USP34: variants seen among roughly 807,000 people sequenced by gnomAD.
The protein encoded by USP34 is ubiquitin specific peptidase 34.
In USP34, 70 loss-of-function variants were observed where a neutral mutation model predicts 460.3. The ratio of observed to expected loss-of-function variants is 0.15; its 90% CI spans 0.13 to 0.19. The LOEUF (loss-of-function observed/expected upper bound fraction) is 0.19, where lower values mean the gene tolerates loss of function less well. Among genes scored for constraint, USP34 ranks in the 10% least tolerant of loss-of-function variants. USP34 has a pLI of 1.00. For missense variants in USP34, 3,985 were observed against 4,236.2 expected (o/e 0.94, Z 1.65); for synonymous variants, 1,647 against 1,405.3 (o/e 1.17, Z -3.85).
At chr2:61,244,162 AC>A (rs1558487421) in intron 51 of USP34, among the ~76,000 whole-genome samples, 1 of 152,216 alleles carries the variant, frequency 6.6e-6, no homozygotes, top group African/African-American at 2.4e-5. Flanking sequence ...AGTCAAAAAA[AC>A]AACTTTATTT....
chr2:61,356,709 G>C (rs1692118754), intron 10 of USP34, among the ~76,000 whole-genome samples: 1 of 152,150 alleles, frequency 6.6e-6, no homozygotes, highest in Non-Finnish European at 1.5e-5. Context: ...ACCCAAAGTT[G>C]ATGAGAGGGG....
chr2:61,392,445 G>A (rs1015214402), intron 5 of USP34, among the ~76,000 whole-genome samples: 24 of 152,104 alleles, frequency 1.6e-4, no homozygotes, highest in Non-Finnish European at 2.6e-4. Flanking sequence ...ACAACATGGC[G>A]AAACCCCGGG....
chr2:61,451,912 A>C (rs976058221), intron 1 of USP34, among the ~76,000 whole-genome samples: 6 of 152,286 alleles, frequency 3.9e-5, no homozygotes, highest in African/African-American at 1.4e-4. Context: ...GCAGTGGCTC[A>C]CGCCTGGAAT....
intron 53 of USP34, among the ~76,000 whole-genome samples, chr2:61,241,200 C>T (rs1217571306): frequency 6.6e-6 from 1 of 152,038 alleles, no homozygotes; most frequent in Non-Finnish European, 1.5e-5. Context: ...CCCACCACCA[C>T]GCTCGGCTAC....
In USP34 at chr2:61,456,238, G is replaced by A. The variant is rs557357815; in HGVS notation, c.43+14412C>T. ...ATTTCACCTCTTTCATGGTAACAAC[G>A]TGCCAGATTTCTTTTCCAGAAGCAC... is the stretch of plus-strand genomic sequence containing the variant. On this transcript the variant is annotated intron_variant, in intron 1 of 79. Coordinates refer to ENST00000398571, the MANE Select transcript of USP34 (RefSeq NM_014709.4). Among the ~76,000 whole-genome samples the A allele has an allele frequency of 5.0e-4, 76 of 152,280 alleles. 1 individual carries two copies. The South Asian group carries it at 9.1e-3, about 18-fold the overall frequency.
chr2:61,308,044 G>A (rs1002904845), intron 27 of USP34, among the ~76,000 whole-genome samples: 1 of 151,738 alleles, frequency 6.6e-6, no homozygotes, highest in Non-Finnish European at 1.5e-5. Context: ...GTGAGACCCT[G>A]TCTCAAAAAA....
At chr2:61,272,779 A>G (rs1361935965) in intron 41 of USP34, among the ~76,000 whole-genome samples, 1 of 152,200 alleles carries the variant, frequency 6.6e-6, no homozygotes, top group Non-Finnish European at 1.5e-5. Context: ...AAGAATGCTA[A>G]GAACAACTAA....
intron 57 of USP34, among the ~76,000 whole-genome samples, chr2:61,235,267 C>G (rs1411878416): frequency 6.6e-6 from 1 of 150,802 alleles, no homozygotes; most frequent in Non-Finnish European, 1.5e-5. Context: ...TTGGAAGACT[C>G]TTGAATTTTC....
chr2:61,455,389 G>A (rs987473815), intron 1 of USP34, among the ~76,000 whole-genome samples: 3 of 151,866 alleles, frequency 2.0e-5, no homozygotes, highest in African/African-American at 7.3e-5. Context: ...TGTTGCCCAG[G>A]CTGGTCTCGA....
intron 41 of USP34, among the ~76,000 whole-genome samples, chr2:61,270,187 T>C (rs1689171254): frequency 6.6e-6 from 1 of 152,204 alleles, no homozygotes; most frequent in South Asian, 2.1e-4. Flanking sequence ...TGGAAGGTTA[T>C]TAAGTCATGA....
At chr2:61,298,537 C>CAAAAAAAAAAAAAAAAAAAAAA (rs57087400) in intron 29 of USP34, among the ~76,000 whole-genome samples, 2 of 28,288 alleles carry the variant, frequency 7.1e-5, no homozygotes, top group Non-Finnish European at 1.1e-4. Flanking sequence ...GACTCTGTCT[C>CAAAAAAAAAAAAAAAAAAAAAA]AAAAAAAAAA....
intron 3 of USP34, among the ~76,000 whole-genome samples, chr2:61,400,331 G>C (rs1028621645): frequency 3.9e-5 from 6 of 152,036 alleles, no homozygotes; most frequent in African/African-American, 1.4e-4. Context: ...AGATGGTCTT[G>C]ATCTCCTGAC....
chr2:61,460,214 A>C (rs1222695507), intron 1 of USP34, among the ~76,000 whole-genome samples: 4 of 152,254 alleles, frequency 2.6e-5, no homozygotes, highest in Non-Finnish European at 5.9e-5. Context: ...TGGTCCAAAA[A>C]TATTAAATGG....
intron 58 of USP34, among the ~76,000 whole-genome samples, chr2:61,229,875 G>A (rs1300331993): frequency 2.0e-5 from 3 of 152,048 alleles, no homozygotes; most frequent in African/African-American, 4.8e-5. Context: ...CAGTAATACA[G>A]ATGATCAAAA....
chr2:61,355,447 T>C (rs1226691146), intron 10 of USP34, among the ~76,000 whole-genome samples: 1 of 152,166 alleles, frequency 6.6e-6, no homozygotes, highest in Non-Finnish European at 1.5e-5. Flanking sequence ...ACAGTAGTAA[T>C]AAAAATGGAG....
intron 1 of USP34, among the ~76,000 whole-genome samples, chr2:61,434,697 C>T (rs1694764908): frequency 6.6e-6 from 1 of 151,990 alleles, no homozygotes; most frequent in African/African-American, 2.4e-5. Context: ...AAGGCCAACA[C>T]ACTCCACTGA....
intron 5 of USP34, among the ~76,000 whole-genome samples, chr2:61,393,633 C>G (rs1381767454): frequency 6.6e-6 from 1 of 152,018 alleles, no homozygotes; most frequent in Non-Finnish European, 1.5e-5. Context: ...AACAATGCAA[C>G]AAAATATTTG....
chr2:61,430,753 C>T (rs577291603), intron 1 of USP34, among the ~76,000 whole-genome samples: 4 of 152,200 alleles, frequency 2.6e-5, no homozygotes, highest in South Asian at 2.1e-4. Context: ...AATGCTATTT[C>T]GTATTAAGAA....
At chr2:61,252,317 G>A (rs895498348) in intron 48 of USP34, among the ~76,000 whole-genome samples, 1 of 152,084 alleles carries the variant, frequency 6.6e-6, no homozygotes, top group East Asian at 1.9e-4. Context: ...TTACCTACCC[G>A]ATACTATCTT....
Sources: gnomAD v4.1 joint callset for allele counts (sites outside exome capture counted in the v4.1 genomes callset) on GRCh38, gnomAD v4.1.1 for gene constraint, MANE v1.5 for transcripts, NCBI Gene and HGNC (gene_info 2026-07-23, HGNC 2026-07-21) for gene names.